Variants in MAP2K5 observed in about 807,000 individuals in gnomAD.
MAP2K5 encodes the protein dual specificity mitogen-activated protein kinase kinase 5.
A neutral mutation model predicts 83.1 loss-of-function variants in MAP2K5; 49 were observed. The observed-to-expected ratio is 0.59, with a 90% CI of 0.47 to 0.75. The LOEUF is 0.75. MAP2K5 is among the 30% of genes least tolerant of loss of function. The pLI, the probability that MAP2K5 is intolerant of heterozygous loss-of-function variation, is 0.00. For missense variants in MAP2K5, 457 were observed against 557.5 expected (o/e 0.82, Z 1.82); for synonymous variants, 202 against 191.8 (o/e 1.05, Z -0.44).
chr15:67,598,200 A>G (rs890833899), intron 7 of MAP2K5, among the ~76,000 whole-genome samples: 2 of 151,692 alleles, frequency 1.3e-5, no homozygotes, highest in Non-Finnish European at 2.9e-5. Flanking sequence ...GTGAGACTTC[A>G]TCTCCAAAAA....
intron 21 of MAP2K5, among the ~76,000 whole-genome samples, chr15:67,800,131 C>G (rs1166100304): frequency 2.0e-5 from 3 of 152,314 alleles, no homozygotes; most frequent in South Asian, 2.1e-4. Flanking sequence ...TGCCCACTAT[C>G]CTGCCACTTG....
At chr15:67,711,768 A>T (rs1363986045) in intron 16 of MAP2K5, among the ~76,000 whole-genome samples, 1 of 152,248 alleles carries the variant, frequency 6.6e-6, no homozygotes, top group Admixed American at 6.5e-5. Context: ...AACAGTAAAC[A>T]ACTGAGCAGG....
In MAP2K5 at chr15:67,601,142, A is replaced by G. The variant is rs561259177; in HGVS notation, c.545+393A>G. 2.6e-5 allele frequency among the ~76,000 whole-genome samples: 4 copies of G among 152,182 alleles called. No individual in the cohort carries two copies. The East Asian group carries it at 7.7e-4, about 29-fold the overall frequency. Reference sequence around the variant, plus strand: ...GTGGAAGCCAGACCTTATAAATACCATTGCTTTGCCCTGTGTCAACACTAT... The same window carrying G: ...GTGGAAGCCAGACCTTATAAATACCGTTGCTTTGCCCTGTGTCAACACTAT... On this transcript the variant is annotated intron_variant, in intron 8 of 21. Coordinates refer to ENST00000178640, the MANE Select transcript of MAP2K5 (RefSeq NM_145160.3).
chr15:67,638,193 A>T lies in MAP2K5; in HGVS notation c.585+7266A>T, dbSNP rs1441241128. On this transcript the variant is annotated intron_variant, in intron 9 of 21. Transcript: ENST00000178640. This position sits in a 1 kb window ranked among gnomAD's most constrained non-coding sequence, Gnocchi z 4.5. ...CCAGGTATTAAGCCTAGTACCTATT[A>T]GTTATTTTTCCTGATCATCTCCCCA... is the stretch of plus-strand genomic sequence containing the variant. 1.3e-5 allele frequency among the ~76,000 whole-genome samples: 2 copies of T among 152,104 alleles called. No individual in the cohort carries two copies. Among genetic ancestry groups the T allele is most frequent in the African/African-American group, 4.8e-5 (2 of 41,432 alleles).
chr15:67,590,307 C>T (rs1273558405), intron 6 of MAP2K5, among the ~76,000 whole-genome samples: 1 of 152,004 alleles, frequency 6.6e-6, no homozygotes, highest in Non-Finnish European at 1.5e-5. Context: ...TCAAATGTAA[C>T]CTATTAAAGG....
At position 67,722,934 on chromosome 15, in the gene MAP2K5, A is replaced by G. The variant is rs552452756; in HGVS notation, c.1045-4982A>G. On this transcript the variant is annotated intron_variant, in intron 16 of 21. Coordinates refer to ENST00000178640, the MANE Select transcript of MAP2K5 (RefSeq NM_145160.3). This position sits in a 1 kb window ranked among gnomAD's most constrained non-coding sequence, Gnocchi z 4.2. ...GCTATATTGAAAATGCTTATTTTCA[A>G]TTTGTAGTTATGCCGAGAAACATAG... 1.4e-4 allele frequency among the ~76,000 whole-genome samples: 22 copies of G among 152,310 alleles called. No individual in the cohort carries two copies. The highest frequency in any genetic ancestry group is 5.2e-4 in the Admixed American group (8 of 15,298).
At chr15:67,711,962 A>G (rs908351429) in intron 16 of MAP2K5, among the ~76,000 whole-genome samples, 4 of 152,236 alleles carry the variant, frequency 2.6e-5, no homozygotes, top group African/African-American at 7.2e-5. Context: ...ACTAATATGA[A>G]TTGCTCATGA....
chr15:67,694,259 A>T (rs1015154781), intron 15 of MAP2K5, among the ~76,000 whole-genome samples: 3 of 152,158 alleles, frequency 2.0e-5, no homozygotes, highest in Non-Finnish European at 2.9e-5. Context: ...AGGGAAAAAA[A>T]ATTAAACAGG....
At chr15:67,680,286 C>T (rs980440090) in intron 13 of MAP2K5, among the ~76,000 whole-genome samples, 3 of 152,186 alleles carry the variant, frequency 2.0e-5, no homozygotes, top group Non-Finnish European at 4.4e-5. Flanking sequence ...ACTTTTCATA[C>T]ACAAGTCTTT....
intron 8 of MAP2K5, among the ~76,000 whole-genome samples, chr15:67,609,788 G>T (rs2085876652): frequency 6.6e-6 from 1 of 151,824 alleles, no homozygotes. Flanking sequence ...TTTGAGCTGA[G>T]ACCTAAAGAC....
chr15:67,714,413 GGAAAAAAAAAAAAAAAAAAAAAAAAAAAA>G (rs1416029830), intron 16 of MAP2K5, among the ~76,000 whole-genome samples: 55 of 42,684 alleles, frequency 1.3e-3, no homozygotes, highest in African/African-American at 4.2e-3. Flanking sequence ...CAGCTGCCAG[GGAAAAAAAAAAAAAAAAAAAAAAAAAAAA>G]AAAAAAAAAA....
rs933157942 is a variant in MAP2K5, at chr15:67,543,262, C to A, written c.-74C>A. ...CCTCTGCCCGTCACTCCCCTTGTCACCTCTTGGAGCCCCCTCCTAACCAGC... is the reference window on the plus strand; with the variant it reads ...CCTCTGCCCGTCACTCCCCTTGTCAACTCTTGGAGCCCCCTCCTAACCAGC... On this transcript the variant is annotated 5_prime_UTR_variant, in exon 1 of 22. Coordinates refer to ENST00000178640, the MANE Select transcript of MAP2K5 (RefSeq NM_145160.3). The surrounding 1 kb of genome is among the most constrained non-coding windows in gnomAD (Gnocchi z 4.3). The A allele has an allele frequency of 1.3e-6, 2 of 1,528,832 alleles. No individual in the cohort carries two copies. The highest frequency in any genetic ancestry group is 2.7e-5 in the African/African-American group (2 of 73,312). The allele number at this position is 1,528,832 out of a possible 1,614,324, so 94.7% of individuals were successfully genotyped here.
rs2082739612 is a variant in MAP2K5, at chr15:67,724,915, T to C, written c.1045-3001T>C. ...GAAGTGATTGTCATCATGCTGCAAT[T>C]GCAGCGGTACCTACTAGTTAAGATC... On this transcript the variant is annotated intron_variant, in intron 16 of 21. Coordinates refer to ENST00000178640, the MANE Select transcript of MAP2K5 (RefSeq NM_145160.3). The surrounding 1 kb of genome is among the most constrained non-coding windows in gnomAD (Gnocchi z 4.4). 6.6e-6 allele frequency among the ~76,000 whole-genome samples: 1 copy of C among 152,224 alleles called. No individual in the cohort carries two copies. The highest frequency in any genetic ancestry group is 2.1e-4 in the South Asian group (1 of 4,836).
chr15:67,548,913 G>GA (rs765251220), intron 1 of MAP2K5: 35,088 of 578,200 alleles, frequency 0.061, no homozygotes, highest in South Asian at 0.072. Context: ...ATTTATTTTT[G>GA]AAAAAAAAAA....
chr15:67,711,854 T>C (rs529092778), intron 16 of MAP2K5, among the ~76,000 whole-genome samples: 1 of 152,338 alleles, frequency 6.6e-6, no homozygotes, highest in African/African-American at 2.4e-5. Flanking sequence ...GGACGAGATA[T>C]GTGGAGCCAG....
In MAP2K5 at chr15:67,608,003, A is replaced by T. The variant is rs2085817835; in HGVS notation, c.545+7254A>T. Among the ~76,000 whole-genome samples the T allele has an allele frequency of 2.0e-5, 3 of 152,162 alleles. No individual in the cohort carries two copies. The South Asian group carries it at 6.2e-4, about 32-fold the overall frequency. ...GTTTCAACTTCATCTCCTCTCAGAG[A>T]AAAAAATAGTTTTGAAGTGGCAAGA... On this transcript the variant is annotated intron_variant, in intron 8 of 21. Coordinates refer to ENST00000178640, the MANE Select transcript of MAP2K5 (RefSeq NM_145160.3).
chr15:67,784,491 T>G (rs891478662), intron 21 of MAP2K5, among the ~76,000 whole-genome samples: 6 of 152,236 alleles, frequency 3.9e-5, no homozygotes, highest in Admixed American at 2.0e-4. Flanking sequence ...CCTTCCACCT[T>G]GATGCCACAG....
At chr15:67,658,345 T>A (rs1362488586) in intron 11 of MAP2K5, among the ~76,000 whole-genome samples, 1 of 152,172 alleles carries the variant, frequency 6.6e-6, no homozygotes, top group East Asian at 1.9e-4. Context: ...ACTATACACT[T>A]CAGAATAAAA....
In MAP2K5 at chr15:67,780,520, GACAA is replaced by G. The variant is rs2090311887; in HGVS notation, c.1242+7773_1242+7776del. Among the ~76,000 whole-genome samples the G allele has an allele frequency of 6.6e-6, 1 of 152,088 alleles. No individual in the cohort carries two copies. The highest frequency in any genetic ancestry group is 1.5e-5 in the Non-Finnish European group (1 of 68,000). On this transcript the variant is annotated intron_variant, in intron 21 of 21. Transcript: ENST00000178640. This position sits in a 1 kb window ranked among gnomAD's most constrained non-coding sequence, Gnocchi z 5.0. ...AGATAAAGTAGACACTAAACAGATA[GACAA>G]ACAAGACATGTATCTGGTTCTCCAG... is the stretch of plus-strand genomic sequence containing the variant.
Sources: gnomAD v4.1 joint callset for allele counts (sites outside exome capture counted in the v4.1 genomes callset) on GRCh38, gnomAD v4.1.1 for gene constraint, Gnocchi (gnomAD v3.1) non-coding constraint, MANE v1.5 for transcripts, NCBI Gene and HGNC (gene_info 2026-07-23, HGNC 2026-07-21) for gene names.